The following AK8 variants were observed in gnomAD, a reference collection of about 807,000 sequenced individuals.
AK8 encodes the protein ATP-AMP transphosphorylase 8.
In AK8, 44 loss-of-function variants were observed where a neutral mutation model predicts 54.6. The ratio of observed to expected loss-of-function variants is 0.81; its 90% CI spans 0.63 to 1.04. The LOEUF is 1.04. AK8 is among the 50% of genes least tolerant of loss of function. The pLI, the probability that AK8 is intolerant of heterozygous loss-of-function variation, is 0.00. For missense variants in AK8, 555 were observed against 613.6 expected, an observed-to-expected ratio of 0.90 and a Z score of 1.01; for synonymous variants, 239 against 245.6, an observed-to-expected ratio of 0.97 and a Z score of 0.25.
chr9:132,740,360 C>T (rs138203940), intron 11 of AK8, among the ~76,000 whole-genome samples: 10 of 152,332 alleles, frequency 6.6e-5, no homozygotes, highest in African/African-American at 2.2e-4. Context: ...CATGCCTGCA[C>T]AAGGTTATTT....
At chr9:132,812,703 G>A (rs1323158537) in intron 10 of AK8, among the ~76,000 whole-genome samples, 5 of 152,188 alleles carry the variant, frequency 3.3e-5, no homozygotes, top group East Asian at 1.9e-4. Context: ...CTGGGGCTTC[G>A]AGAAGGGCAG....
At chr9:132,814,599 G>A (rs184339645) in intron 10 of AK8, 39 bp downstream of exon 10, 2 of 1,580,602 alleles carry the variant, frequency 1.3e-6, no homozygotes, top group East Asian at 4.5e-5. Context: ...TCTCTCTGGA[G>A]CCTGTAAGGT....
At chr9:132,865,517 T>C (rs1038528615) in intron 3 of AK8, among the ~76,000 whole-genome samples, 4 of 152,210 alleles carry the variant, frequency 2.6e-5, no homozygotes, top group Non-Finnish European at 4.4e-5. Flanking sequence ...TAACACATTT[T>C]TGGCACTTAA....
chr9:132,819,976 TAG>T (rs1245112787), intron 9 of AK8, among the ~76,000 whole-genome samples: 1 of 151,510 alleles, frequency 6.6e-6, no homozygotes, highest in Admixed American at 6.6e-5. Flanking sequence ...CTGGGCAACA[TAG>T]AGAGATTCCC....
intron 11 of AK8, among the ~76,000 whole-genome samples, chr9:132,786,895 T>G (rs1245084722): frequency 6.6e-6 from 1 of 152,036 alleles, no homozygotes; most frequent in Non-Finnish European, 1.5e-5. Flanking sequence ...ATTAACATTT[T>G]CAAGAGATAA....
intron 5 of AK8, among the ~76,000 whole-genome samples, chr9:132,830,283 C>G (rs1842052143): frequency 6.6e-6 from 1 of 152,170 alleles, no homozygotes. Context: ...ATCTCGATGC[C>G]TATCAAACAT....
intron 11 of AK8, among the ~76,000 whole-genome samples, chr9:132,767,274 G>A (rs1361632013): frequency 6.6e-6 from 1 of 151,972 alleles, no homozygotes; most frequent in Non-Finnish European, 1.5e-5. Context: ...CAATAGCAAA[G>A]CCAATTAAAA....
intron 10 of AK8, among the ~76,000 whole-genome samples, chr9:132,805,202 C>A (rs559092319): frequency 1.3e-5 from 2 of 152,346 alleles, no homozygotes; most frequent in African/African-American, 4.8e-5. Flanking sequence ...GAGGGAAACG[C>A]TTCTAGAAGC....
chr9:132,874,996 G>A lies in AK8; in HGVS notation c.169+119C>T, dbSNP rs140835080. On this transcript the variant is annotated intron_variant, in intron 2 of 12. Transcript: ENST00000298545. ...ACAGAATGGTGCTCAGCTATTCTCGGGATGGGGCAGGGTTCCTGGAGAGGA... is the reference window on the plus strand; with the variant it reads ...ACAGAATGGTGCTCAGCTATTCTCGAGATGGGGCAGGGTTCCTGGAGAGGA... 1.9e-4 allele frequency: 246 copies of A among 1,308,558 alleles called. 1 individual carries two copies. In the African/African-American group the frequency reaches 2.9e-3, roughly 15 times the overall value. 81.1% of individuals were successfully genotyped at this position (1,308,558 alleles called of 1,614,324 possible). A position where few individuals can be genotyped will look rare whatever the true frequency, so the allele number is the denominator to read the frequency against.
At position 132,826,064 on chromosome 9, in the gene AK8, G is replaced by A. The variant is rs899221367; in HGVS notation, c.757+790C>T. Among the ~76,000 whole-genome samples the A allele has an allele frequency of 6.6e-6, 1 of 152,186 alleles. No individual in the cohort carries two copies. Among genetic ancestry groups the A allele is most frequent in the Non-Finnish European group, 1.5e-5 (1 of 68,028 alleles). On this transcript the variant is annotated intron_variant, in intron 8 of 12. Transcript: ENST00000298545. The surrounding 1 kb of genome is among the most constrained non-coding windows in gnomAD (Gnocchi z 4.5). ...GTTGAACAATGATAGGAGCTATGAC[G>A]ACTGATGTTTATTGAGGCTTTTCTC... is the stretch of plus-strand genomic sequence containing the variant.
At position 132,874,156 on chromosome 9, in the gene AK8, G is replaced by GC. The variant is rs953776453; in HGVS notation, c.169+958dup. On this transcript the variant is annotated intron_variant, in intron 2 of 12. Transcript: ENST00000298545. Reference sequence around the variant, plus strand: ...GGCTCAGAAAAGGGCCTTTTTGTTGGCCCTTTGTGGGGTCTCTCTCTGTAC... The same window carrying GC: ...GGCTCAGAAAAGGGCCTTTTTGTTGGCCCCTTTGTGGGGTCTCTCTCTGTAC... Among the ~76,000 whole-genome samples the GC allele has an allele frequency of 2.6e-5, 4 of 152,298 alleles. 1 individual carries two copies.
rs1464664409 is a variant in AK8, at chr9:132,878,201, C to T, written c.55G>A (p.Glu19Lys). Residue 19 changes from glutamate to lysine, a missense_variant, in exon 1 of 13, where the codon GAG (glutamate) becomes AAG (lysine). Coordinates refer to ENST00000298545, the MANE Select transcript of AK8 (RefSeq NM_152572.3). This position sits in a 1 kb window ranked among gnomAD's most constrained non-coding sequence, Gnocchi z 4.7. ...ATCAACTCGAAGATGTGGTTCTCCTCCCCGTACTGGGGCATCTCGGGGGGG... is the reference window on the plus strand; with the variant it reads ...ATCAACTCGAAGATGTGGTTCTCCTTCCCGTACTGGGGCATCTCGGGGGGG... ...RIPPEMPQYG[E>K]ENHIFELMQN... The T allele has an allele frequency of 1.4e-6, 2 of 1,481,230 alleles. No homozygotes were observed. Among genetic ancestry groups the T allele is most frequent in the Non-Finnish European group, 1.8e-6 (2 of 1,114,148 alleles). 91.8% of individuals were successfully genotyped at this position (1,481,230 alleles called of 1,614,324 possible).
chr9:132,777,820 A>AG (rs1468592017), intron 11 of AK8, among the ~76,000 whole-genome samples: 1 of 152,226 alleles, frequency 6.6e-6, no homozygotes, highest in Non-Finnish European at 1.5e-5. Flanking sequence ...ATGTTTAAAG[A>AG]AAGAGAAGAG....
At chr9:132,808,625 G>A (rs932063904) in intron 10 of AK8, among the ~76,000 whole-genome samples, 3 of 152,194 alleles carry the variant, frequency 2.0e-5, no homozygotes, top group Non-Finnish European at 4.4e-5. Context: ...CTGGAGTGGG[G>A]ATAAGAGCAA....
chr9:132,878,436 G>A (rs1201482661), upstream of AK8: 14 of 1,230,730 alleles, frequency 1.1e-5, no homozygotes, highest in Non-Finnish European at 1.4e-5. The surrounding 1 kb of genome is among the most constrained non-coding windows in gnomAD (Gnocchi z 4.7). Flanking sequence ...CTGCGGCTCG[G>A]GCAAGTTCTT....
intron 4 of AK8, 104 bp from the exon 5 acceptor site, chr9:132,855,029 CACCG>C: frequency 8.4e-7 from 1 of 1,188,004 alleles, no homozygotes; most frequent in Non-Finnish European, 1.2e-6. Flanking sequence ...CTCTGGAAAG[CACCG>C]ACCACCATCG....
intron 11 of AK8, among the ~76,000 whole-genome samples, chr9:132,738,241 G>A (rs903024781): frequency 6.6e-6 from 1 of 152,018 alleles, no homozygotes; most frequent in African/African-American, 2.4e-5. Context: ...TTTTAGTAGA[G>A]ATGAGGTTTT....
intron 5 of AK8, among the ~76,000 whole-genome samples, chr9:132,833,155 G>C (rs145170462): frequency 6.6e-6 from 1 of 152,182 alleles, no homozygotes; most frequent in African/African-American, 2.4e-5. Flanking sequence ...TCTGTCCTAC[G>C]GCATTCTCAA....
chr9:132,869,433 C>T (rs1843720804), intron 2 of AK8, among the ~76,000 whole-genome samples: 1 of 152,194 alleles, frequency 6.6e-6, no homozygotes, highest in Non-Finnish European at 1.5e-5. Context: ...GCCCTTCCAC[C>T]CAGGAAGCAG....
Sources: gnomAD v4.1 joint callset for allele counts (sites outside exome capture counted in the v4.1 genomes callset) on GRCh38, gnomAD v4.1.1 for gene constraint, Gnocchi (gnomAD v3.1) non-coding constraint, MANE v1.5 for transcripts, NCBI Gene and HGNC (gene_info 2026-07-23, HGNC 2026-07-21) for gene names.